Variants in DGKE observed in about 807,000 individuals in gnomAD.
DGKE encodes the protein DAG kinase epsilon.
A neutral mutation model predicts 70.0 loss-of-function variants in DGKE; 53 were observed. The observed-to-expected ratio is 0.76, with a 90% CI of 0.61 to 0.95. The LOEUF is 0.95. Ranked by LOEUF, DGKE falls within the 40% of genes least tolerant of loss-of-function variation. The pLI is 0.00. For missense variants in DGKE, 655 were observed against 706.9 expected, an observed-to-expected ratio of 0.93 and a Z score of 0.83; for synonymous variants, 291 against 257.0, an observed-to-expected ratio of 1.13 and a Z score of -1.27.
In DGKE at chr17:56,856,553, T is replaced by C. The variant is rs1221729854; in HGVS notation, c.1140T>C (p.Ala380=). The part of the protein sequence containing the change: ...MNNYFSVGPD[A]LMALNFHAHR... ...ACTATTTTTCTGTTGGACCTGATGCTCTCATGGCTCTCAATTTTCATGCTC... is the reference window on the plus strand; with the variant it reads ...ACTATTTTTCTGTTGGACCTGATGCCCTCATGGCTCTCAATTTTCATGCTC... The change falls in exon 8 of 12, where the codon GCT becomes GCC. Residue 380 remains alanine, a synonymous_variant. Transcript: ENST00000284061. 6.2e-7 allele frequency: 1 copy of C among 1,613,842 alleles called. No homozygotes were observed. The highest frequency in any genetic ancestry group is 1.3e-5 in the African/African-American group (1 of 74,932).
chr17:56,858,005 G>A (rs1364415730), intron 8 of DGKE, among the ~76,000 whole-genome samples: 1 of 150,960 alleles, frequency 6.6e-6, no homozygotes, highest in South Asian at 2.1e-4. Context: ...CCCAGGAGGC[G>A]GAGGTTGCAG....
intron 7 of DGKE, among the ~76,000 whole-genome samples, chr17:56,853,422 T>C (rs1368708459): frequency 2.0e-5 from 3 of 152,242 alleles, no homozygotes; most frequent in South Asian, 2.1e-4. Flanking sequence ...TTTAGTACTT[T>C]TATAGTTTCA....
At chr17:56,837,418 A>G (rs1351296636) in intron 2 of DGKE, among the ~76,000 whole-genome samples, 1 of 152,218 alleles carries the variant, frequency 6.6e-6, no homozygotes, top group Non-Finnish European at 1.5e-5. Flanking sequence ...TCTGTGTGAT[A>G]ATAAATCTTC....
In DGKE at chr17:56,839,645, A is replaced by G. The variant is rs573371545; in HGVS notation, c.465-4374A>G. On this transcript the variant is annotated intron_variant, in intron 2 of 11. Coordinates refer to ENST00000284061, the MANE Select transcript of DGKE (RefSeq NM_003647.3). ...GCAATCCTCCCACCTCAGCCTTCCA[A>G]GTAGCTGGGACTACAGACATGCACC... 2.7e-3 allele frequency among the ~76,000 whole-genome samples: 416 copies of G among 152,240 alleles called. 2 individuals carry two copies. Among genetic ancestry groups the G allele is most frequent in the Non-Finnish European group, 4.5e-3 (306 of 68,012 alleles).
chr17:56,862,290 A>G (rs1028836450), intron 11 of DGKE, 39 bp downstream of exon 11: 1 of 1,554,074 alleles, frequency 6.4e-7, no homozygotes, highest in African/African-American at 1.4e-5. Flanking sequence ...ATTTGTCCCA[A>G]TCCAATTCTA....
chr17:56,857,758 G>A (rs933802178), intron 8 of DGKE, among the ~76,000 whole-genome samples: 1 of 151,906 alleles, frequency 6.6e-6, no homozygotes, highest in African/African-American at 2.4e-5. Flanking sequence ...TTGATAAATT[G>A]GGAGAAAACA....
intron 7 of DGKE, among the ~76,000 whole-genome samples, chr17:56,849,618 G>A (rs1907528307): frequency 6.6e-6 from 1 of 152,204 alleles, no homozygotes; most frequent in Non-Finnish European, 1.5e-5. Context: ...TAGCTCAGAA[G>A]CCTGCACTAG....
chr17:56,834,639 G>T (rs948906948), intron 1 of DGKE, 139 bp from the exon 2 acceptor site: 1 of 805,294 alleles, frequency 1.2e-6, no homozygotes, highest in African/African-American at 1.7e-5. Context: ...CGGGAGACGG[G>T]GGGACGAGGC....
rs1325859035 is a variant in DGKE at position 56,862,819 on chromosome 17, A to G, written c.*28A>G. On this transcript the variant is annotated 3_prime_UTR_variant, in exon 12 of 12. Transcript: ENST00000284061. ...GGATGAGGGAGTGAAAACTTTGCAT[A>G]GAATCCTCACGCAAGTAGATACATG... 1 of 1,490,108 alleles carries G rather than the reference A, an allele frequency of 6.7e-7. No homozygotes were observed. Among genetic ancestry groups the G allele is most frequent in the Admixed American group, 2.5e-5 (1 of 40,526 alleles). The allele number at this position is 1,490,108 out of a possible 1,614,324, so 92.3% of individuals were successfully genotyped here. A position where few individuals can be genotyped will look rare whatever the true frequency, so the allele number is the denominator to read the frequency against.
Position 56,842,397 on chromosome 17 carries a change from G to A in DGKE, c.465-1622G>A, listed in dbSNP as rs77123844. 6.3e-3 allele frequency among the ~76,000 whole-genome samples: 962 copies of A among 152,204 alleles called. 14 individuals are homozygous for A. The highest frequency in any genetic ancestry group is 0.022 in the African/African-American group (913 of 41,536). On this transcript the variant is annotated intron_variant, in intron 2 of 11. Coordinates refer to ENST00000284061, the MANE Select transcript of DGKE (RefSeq NM_003647.3). ...CCTCAGTCCTACTTTTCTTCCCAGA[G>A]GAAACCATTATGAAATAATTCAGTG...
At chr17:56,852,076 A>G (rs1301337255) in intron 7 of DGKE, among the ~76,000 whole-genome samples, 1 of 152,096 alleles carries the variant, frequency 6.6e-6, no homozygotes, top group Non-Finnish European at 1.5e-5. Flanking sequence ...CCCATCTCTA[A>G]AAAAAGAGAA....
intron 7 of DGKE, among the ~76,000 whole-genome samples, chr17:56,852,837 G>A (rs1340901811): frequency 6.6e-6 from 1 of 152,164 alleles, no homozygotes; most frequent in African/African-American, 2.4e-5. Flanking sequence ...TTTTTCATAT[G>A]CAGGTTGAAT....
In DGKE at chr17:56,858,596, G is replaced by A. The variant is rs139907704; in HGVS notation, c.1215G>A (p.Ala405=). ...SLFSSRILNK[A]VYLFYGTKDC... is the part of the protein sequence containing the mutation. ...TATTTTCTGTCCATTTTTCATAGGC[G>A]GTTTACTTATTCTATGGAACCAAAG... The change falls in exon 9 of 12, where the codon GCG becomes GCA. Residue 405 remains alanine, a splice_region_variant and synonymous_variant. Transcript: ENST00000284061. 9.5e-5 allele frequency: 152 copies of A among 1,598,392 alleles called. No homozygotes were observed. Among genetic ancestry groups the A allele is most frequent in the African/African-American group, 2.8e-4 (21 of 73,790 alleles).
intron 2 of DGKE, among the ~76,000 whole-genome samples, chr17:56,843,010 G>A (rs1907078819): frequency 2.6e-5 from 4 of 152,182 alleles, no homozygotes. Context: ...ATGCACGGTT[G>A]TACTTACATT....
chr17:56,842,332 CA>C (rs201170594), intron 2 of DGKE, among the ~76,000 whole-genome samples: 2 of 151,638 alleles, frequency 1.3e-5, no homozygotes, highest in African/African-American at 4.8e-5. Flanking sequence ...GGAATACATA[CA>C]AAAAAAACAT....
rs117635055 is a variant in DGKE, at chr17:56,840,445, G to A, written c.465-3574G>A. 1.5e-3 allele frequency among the ~76,000 whole-genome samples: 232 copies of A among 152,086 alleles called. 1 individual carries two copies. Among genetic ancestry groups the A allele is most frequent in the Non-Finnish European group, 2.7e-3 (182 of 67,972 alleles). ...GGTTGCAGTGCAGTGACATGATCTC[G>A]GCTCACTGCTACCTCTACCTCCCAG... On this transcript the variant is annotated intron_variant, in intron 2 of 11. Coordinates refer to ENST00000284061, the MANE Select transcript of DGKE (RefSeq NM_003647.3).
chr17:56,838,001 T>G (rs1037827835), intron 2 of DGKE, among the ~76,000 whole-genome samples: 1 of 152,228 alleles, frequency 6.6e-6, no homozygotes, highest in Non-Finnish European at 1.5e-5. Context: ...TTTCTTCTTC[T>G]TATCTCTCCT....
chr17:56,854,432 A>G (rs371502736), intron 7 of DGKE, among the ~76,000 whole-genome samples: 1 of 151,876 alleles, frequency 6.6e-6, no homozygotes, highest in Non-Finnish European at 1.5e-5. Flanking sequence ...CCTTAGCCTC[A>G]TTAGTAACTG....
intron 7 of DGKE, among the ~76,000 whole-genome samples, chr17:56,855,464 G>T (rs913179446): frequency 6.6e-6 from 1 of 152,130 alleles, no homozygotes; most frequent in African/African-American, 2.4e-5. Context: ...CAAGAATCAA[G>T]ATCATCTGAA....
Sources: gnomAD v4.1 joint callset for allele counts (sites outside exome capture counted in the v4.1 genomes callset) on GRCh38, gnomAD v4.1.1 for gene constraint, MANE v1.5 for transcripts, NCBI Gene and HGNC (gene_info 2026-07-23, HGNC 2026-07-21) for gene names.